CYTH3: variants seen among roughly 807,000 people sequenced by gnomAD.
The protein encoded by CYTH3 is cytohesin-3.
In CYTH3, 23 loss-of-function variants were observed where a neutral mutation model predicts 55.1. That is an observed-to-expected ratio of 0.42 (90% confidence interval 0.30 to 0.59). CYTH3 has a LOEUF of 0.59. CYTH3 is among the 20% of genes least tolerant of loss of function. The pLI is 0.20. For missense variants in CYTH3, 413 were observed against 524.8 expected (o/e 0.79, Z 2.08); for synonymous variants, 249 against 194.9 (o/e 1.28, Z -2.31).
chr7:6,245,119 T>C (rs1455230374), intron 1 of CYTH3, among the ~76,000 whole-genome samples: 1 of 151,460 alleles, frequency 6.6e-6, no homozygotes, highest in Non-Finnish European at 1.5e-5. Flanking sequence ...GCGCCCGGCC[T>C]TCTAGTCTTT....
At chr7:6,229,561 G>C (rs907433109) in intron 1 of CYTH3, among the ~76,000 whole-genome samples, 1 of 151,016 alleles carries the variant, frequency 6.6e-6, no homozygotes, top group Admixed American at 6.6e-5. Context: ...TGTAATCCCA[G>C]CACTTTGGGA....
At chr7:6,272,425 G>GCCCCCGA in intron 1 of CYTH3, 49 bp downstream of exon 1, 4 of 1,166,894 alleles carry the variant, frequency 3.4e-6, no homozygotes, top group East Asian at 3.8e-5. Flanking sequence ...CCAGCCCCCG[G>GCCCCCGA]CCCCCGACCC....
rs963147809 is a variant in CYTH3 at position 6,245,852 on chromosome 7, C to T, written c.34+26622G>A. Among the ~76,000 whole-genome samples the T allele has an allele frequency of 2.6e-5, 4 of 152,244 alleles. No individual in the cohort carries two copies. In the South Asian group the frequency reaches 6.2e-4, roughly 24 times the overall value. On this transcript the variant is annotated intron_variant, in intron 1 of 12. Transcript: ENST00000350796. Reference sequence around the variant, plus strand: ...TTAGGAGGTCAAGGTTGCAATGAGCCGAGATCGTGCCACTGCGCTACAGCC... The same window carrying T: ...TTAGGAGGTCAAGGTTGCAATGAGCTGAGATCGTGCCACTGCGCTACAGCC...
At position 6,170,862 on chromosome 7, in the gene CYTH3, CGTT is replaced by C; in HGVS notation, c.676_678del (p.Asn226del). On this transcript the variant is annotated inframe_deletion, in exon 8 of 13. Transcript: ENST00000350796. This position sits in a 1 kb window ranked among gnomAD's most constrained non-coding sequence, Gnocchi z 7.8. ...AGCTCCTCAGGGAGGTCCCCGCCCT[CGTT>C]GATGCCGCGGTTCATGGCGATGAAC... 6.2e-7 allele frequency: 1 copy of C among 1,613,196 alleles called. No homozygotes were observed. The highest frequency in any genetic ancestry group is 8.5e-7 in the Non-Finnish European group (1 of 1,179,638).
chr7:6,238,454 CTATGCTTAGTAAAGTACACTAAGCTG>C (rs1351242368), intron 1 of CYTH3, among the ~76,000 whole-genome samples: 6 of 152,140 alleles, frequency 3.9e-5, no homozygotes, highest in African/African-American at 1.2e-4. Context: ...AATGAAAGTA[CTATGCTTAGTAAAGTACACTAAGCTG>C]TATGCTTAGT....
chr7:6,181,997 C>G (rs1783515298), intron 4 of CYTH3, among the ~76,000 whole-genome samples: 1 of 152,026 alleles, frequency 6.6e-6, no homozygotes, highest in African/African-American at 2.4e-5. Flanking sequence ...ACACAAATAT[C>G]CTACTATAAA....
chr7:6,272,312 G>A (rs1780684787), intron 1 of CYTH3, among the ~76,000 whole-genome samples, 162 bp downstream of exon 1: 1 of 141,080 alleles, frequency 7.1e-6, no homozygotes, highest in Non-Finnish European at 1.5e-5. Context: ...ACCCAGCCTC[G>A]GCCCTGGCCC....
intron 1 of CYTH3, among the ~76,000 whole-genome samples, chr7:6,204,242 A>G (rs188976008): frequency 1.2e-4 from 18 of 152,340 alleles, no homozygotes; most frequent in African/African-American, 4.3e-4. Context: ...CAGGTGTGCA[A>G]TATACATTCA....
chr7:6,265,310 C>G (rs1780460352), intron 1 of CYTH3, among the ~76,000 whole-genome samples: 1 of 149,556 alleles, frequency 6.7e-6, no homozygotes, highest in South Asian at 2.1e-4. Flanking sequence ...ACTATCCGGC[C>G]CTTTTATGAA....
At chr7:6,180,628 C>T (rs10269024) in intron 4 of CYTH3, among the ~76,000 whole-genome samples, 2,387 of 152,320 alleles carry the variant, frequency 0.016, 65 homozygotes, top group African/African-American at 0.053. Context: ...TAAACCACCC[C>T]GTTGCTGGTC....
chr7:6,259,771 ATTATATATATATAATAT>A (rs1780256634), intron 1 of CYTH3, among the ~76,000 whole-genome samples: 2 of 22,358 alleles, frequency 8.9e-5, no homozygotes, highest in African/African-American at 4.3e-4. Flanking sequence ...ATATATATAT[ATTATATATATATAATAT>A]ATATATATAT....
intron 1 of CYTH3, among the ~76,000 whole-genome samples, chr7:6,226,297 C>A (rs1056543129): frequency 6.6e-6 from 1 of 152,194 alleles, no homozygotes; most frequent in Non-Finnish European, 1.5e-5. Context: ...GATACTTCCT[C>A]ATTCCTTGCT....
intron 1 of CYTH3, among the ~76,000 whole-genome samples, chr7:6,259,790 T>TATA (rs1780271712): frequency 3.3e-4 from 5 of 14,992 alleles, no homozygotes; most frequent in Admixed American, 1.3e-3. Context: ...ATATAATATA[T>TATA]ATATATATAT....
chr7:6,186,368 TA>T (rs2128542987), intron 4 of CYTH3, among the ~76,000 whole-genome samples: 1 of 151,964 alleles, frequency 6.6e-6, no homozygotes, highest in East Asian at 1.9e-4. Context: ...GACTCAGGTC[TA>T]CCCTTCTTTC....
At chr7:6,248,233 A>ACC (rs1240091834) in intron 1 of CYTH3, among the ~76,000 whole-genome samples, 4 of 123,632 alleles carry the variant, frequency 3.2e-5, no homozygotes, top group African/African-American at 1.2e-4. Context: ...ATCCTCCCCC[A>ACC]ACCCCCCCCC....
Position 6,164,616 on chromosome 7 carries a change from C to T in CYTH3, c.*328G>A. 2.7e-6 allele frequency: 1 copy of T among 371,324 alleles called. No homozygotes were observed. The highest frequency in any genetic ancestry group is 5.0e-6 in the Non-Finnish European group (1 of 200,002). 23.0% of individuals were successfully genotyped at this position (371,324 alleles called of 1,614,324 possible). ...GCGGAAGCTGCTGTCCTGGCTTCTC[C>T]CCCTAGGGGCGCCGGGATGGTCGCA... is the stretch of plus-strand genomic sequence containing the variant. On this transcript the variant is annotated 3_prime_UTR_variant, in exon 13 of 13. Transcript: ENST00000350796.
chr7:6,170,717 C>A lies in CYTH3; in HGVS notation c.712-71G>T. Reference sequence around the variant, plus strand: ...ATGGCTGGCCGGGCAGAAAGCTCAGCGGGACCAGGGCGGCAAGGAGGCTTG... The same window carrying A: ...ATGGCTGGCCGGGCAGAAAGCTCAGAGGGACCAGGGCGGCAAGGAGGCTTG... On this transcript the variant is annotated intron_variant, in intron 8 of 12. Transcript: ENST00000350796. The surrounding 1 kb of genome is among the most constrained non-coding windows in gnomAD (Gnocchi z 7.8). 1.9e-6 allele frequency: 3 copies of A among 1,573,672 alleles called. No individual in the cohort carries two copies. The highest frequency in any genetic ancestry group is 2.6e-6 in the Non-Finnish European group (3 of 1,157,692).
chr7:6,252,061 G>A (rs934514345), intron 1 of CYTH3, among the ~76,000 whole-genome samples: 1 of 152,170 alleles, frequency 6.6e-6, no homozygotes, highest in Non-Finnish European at 1.5e-5. Context: ...TGTTAAGACA[G>A]AGCAGAAGAT....
At chr7:6,165,648 T>C in intron 10 of CYTH3, 32 bp from the exon 11 acceptor site, 1 of 1,613,070 alleles carries the variant, frequency 6.2e-7, no homozygotes, top group Admixed American at 1.7e-5. Flanking sequence ...CGGGGCTCAC[T>C]GTGGGTCACC....
Sources: allele counts gnomAD v4.1 joint callset (sites outside exome capture counted in the v4.1 genomes callset), GRCh38; gene constraint gnomAD v4.1.1; non-coding constraint Gnocchi (gnomAD v3.1); transcripts MANE v1.5; gene names NCBI Gene and HGNC (gene_info 2026-07-23, HGNC 2026-07-21).